Variants in ATXN7L1 observed in about 807,000 individuals in gnomAD.
ATXN7L1 encodes the protein ataxin 7 like 1, also known as ataxin-7-like protein 1.
ATXN7L1 carries 15 observed loss-of-function variants against 70.8 expected under a neutral mutation model. The observed-to-expected ratio is 0.21, with a 90% CI of 0.14 to 0.33. The LOEUF is 0.33. ATXN7L1 is among the 10% of genes least tolerant of loss of function. ATXN7L1 has a pLI of 1.00. For synonymous variants in ATXN7L1, 440 were observed against 445.1 expected, an observed-to-expected ratio of 0.99 and a Z score of 0.14; for missense variants, 975 against 1,097.1, an observed-to-expected ratio of 0.89 and a Z score of 1.57.
chr7:105,679,940 G>A (rs1381576795), intron 3 of ATXN7L1, among the ~76,000 whole-genome samples: 2 of 151,734 alleles, frequency 1.3e-5, no homozygotes, highest in African/African-American at 2.4e-5. Context: ...AAAAAACAGT[G>A]GCAAAGTACG....
At chr7:105,786,616 G>A (rs1804342852) in intron 3 of ATXN7L1, among the ~76,000 whole-genome samples, 1 of 152,080 alleles carries the variant, frequency 6.6e-6, no homozygotes, top group Non-Finnish European at 1.5e-5. Flanking sequence ...GAACTGCTGG[G>A]CTCAAGCAGT....
intron 9 of ATXN7L1, among the ~76,000 whole-genome samples, chr7:105,619,415 C>T (rs1794474079): frequency 7.3e-6 from 1 of 137,558 alleles, no homozygotes; most frequent in African/African-American, 2.7e-5. Flanking sequence ...TCACAAAGTG[C>T]CAGGATTATA....
intron 7 of ATXN7L1, among the ~76,000 whole-genome samples, chr7:105,628,392 G>C (rs1351435141): frequency 6.6e-6 from 1 of 152,106 alleles, no homozygotes; most frequent in Non-Finnish European, 1.5e-5. Flanking sequence ...AGAGTTAGTA[G>C]TACAGGTATA....
intron 2 of ATXN7L1, among the ~76,000 whole-genome samples, chr7:105,789,098 G>A (rs569698798): frequency 2.6e-4 from 39 of 152,242 alleles, no homozygotes; most frequent in Admixed American, 3.9e-4. Context: ...TCCTGCATAA[G>A]CAGCGGTCCC....
intron 2 of ATXN7L1, among the ~76,000 whole-genome samples, chr7:105,864,853 T>C (rs1169031604): frequency 6.6e-6 from 1 of 152,088 alleles, no homozygotes; most frequent in Non-Finnish European, 1.5e-5. Context: ...GCCAGGCTGG[T>C]CTCGAACTCC....
At chr7:105,641,214 CTTTTTTT>C (rs561100060) in intron 5 of ATXN7L1, among the ~76,000 whole-genome samples, 5 of 21,786 alleles carry the variant, frequency 2.3e-4, no homozygotes, top group African/African-American at 6.6e-4. Flanking sequence ...CTCTCTCTCT[CTTTTTTT>C]TTTTTTTTTT....
chr7:105,666,920 C>T (rs539651419), intron 3 of ATXN7L1, among the ~76,000 whole-genome samples: 11 of 152,296 alleles, frequency 7.2e-5, no homozygotes, highest in African/African-American at 2.6e-4. Flanking sequence ...ACCACTTAAA[C>T]TTCCTTGGTT....
chr7:105,821,094 C>A (rs757286682), intron 2 of ATXN7L1, among the ~76,000 whole-genome samples: 1 of 152,168 alleles, frequency 6.6e-6, no homozygotes, highest in African/African-American at 2.4e-5. Flanking sequence ...GGCTGGAGTG[C>A]GATGGCGTGA....
At chr7:105,717,110 A>C (rs1794657401) in intron 3 of ATXN7L1, among the ~76,000 whole-genome samples, 2 of 152,070 alleles carry the variant, frequency 1.3e-5, no homozygotes, top group Admixed American at 1.3e-4. Flanking sequence ...TCACATTATA[A>C]ACATTTTTTC....
chr7:105,802,757 C>A (rs1807012607), intron 2 of ATXN7L1, among the ~76,000 whole-genome samples: 1 of 152,198 alleles, frequency 6.6e-6, no homozygotes, highest in Non-Finnish European at 1.5e-5. Context: ...TGATTCCCAG[C>A]AGCAGAAGGC....
chr7:105,761,430 A>G, intron 3 of ATXN7L1: 2 of 1,614,096 alleles, frequency 1.2e-6, no homozygotes, highest in Non-Finnish European at 1.7e-6. Context: ...ACTCCTGGAG[A>G]TGCCTTCATT....
At chr7:105,828,803 G>A (rs919524602) in intron 2 of ATXN7L1, among the ~76,000 whole-genome samples, 1 of 152,274 alleles carries the variant, frequency 6.6e-6, no homozygotes, top group Admixed American at 6.5e-5. Context: ...GGGTTTGGAA[G>A]CTAGAAAATT....
chr7:105,788,548 G>T (rs752229350), intron 3 of ATXN7L1, 56 bp downstream of exon 3: 3 of 1,401,880 alleles, frequency 2.1e-6, no homozygotes, highest in South Asian at 2.3e-5. Context: ...AGGGGAAGGC[G>T]ACTGTCCCCA....
In ATXN7L1 at chr7:105,624,176, G is replaced by A; in HGVS notation, c.1294C>T (p.Leu432Phe). Residue 432 changes from leucine to phenylalanine, a missense_variant, in exon 8 of 12, where the codon CTC becomes TTC. By Grantham distance (22) the Leu-to-Phe change is conservative (BLOSUM62 0). Around this residue, in one of 5 missense-constraint regions of ATXN7L1, gnomAD observed 635 missense variants for 699.4 expected, o/e 0.91. Coordinates refer to ENST00000419735, the MANE Select transcript of ATXN7L1 (RefSeq NM_020725.2). Reference protein sequence around the residue: ...EPPLPPVGGDLASRLSSDEGE... With the variant: ...EPPLPPVGGDFASRLSSDEGE... ...TCATCACTGGACAGTCGGCTGGCGA[G>A]GTCACCTCCAACCGGTGGGAGTGGG... 3 of 1,532,734 alleles carry A rather than the reference G, an allele frequency of 2.0e-6. No homozygotes were observed. Among genetic ancestry groups the A allele is most frequent in the Non-Finnish European group, 2.6e-6 (3 of 1,136,496 alleles). The allele number at this position is 1,532,734 out of a possible 1,614,324, so 94.9% of individuals were successfully genotyped here. A position where few individuals can be genotyped will look rare whatever the true frequency, so the allele number is the denominator to read the frequency against.
At chr7:105,646,278 G>GAGC (rs1799008201) in intron 4 of ATXN7L1, among the ~76,000 whole-genome samples, 1 of 152,030 alleles carries the variant, frequency 6.6e-6, no homozygotes. Context: ...CTATTGCACA[G>GAGC]AGCAAGACCC....
chr7:105,610,369 G>A (rs1030370992), intron 11 of ATXN7L1, among the ~76,000 whole-genome samples, 160 bp downstream of exon 11: 5 of 152,194 alleles, frequency 3.3e-5, no homozygotes, highest in African/African-American at 1.2e-4. Flanking sequence ...CTTGCCCAAG[G>A]GCACACAGCT....
intron 2 of ATXN7L1, among the ~76,000 whole-genome samples, chr7:105,817,768 A>C (rs1251205373): frequency 6.6e-6 from 1 of 152,136 alleles, no homozygotes; most frequent in Non-Finnish European, 1.5e-5. Flanking sequence ...ATAAGAAATA[A>C]AATAAAAAAT....
chr7:105,786,130 C>A (rs1192294961), intron 3 of ATXN7L1, among the ~76,000 whole-genome samples: 1 of 152,172 alleles, frequency 6.6e-6, no homozygotes, highest in Admixed American at 6.5e-5. Flanking sequence ...GGCCTTGGTG[C>A]CTCAATTTGC....
At chr7:105,737,289 T>G (rs1797489710) in intron 3 of ATXN7L1, among the ~76,000 whole-genome samples, 1 of 152,266 alleles carries the variant, frequency 6.6e-6, no homozygotes, top group Non-Finnish European at 1.5e-5. Context: ...TCTAATAAAC[T>G]TTTCAAACTT....
Sources: allele counts gnomAD v4.1 joint callset (sites outside exome capture counted in the v4.1 genomes callset), GRCh38; gene constraint gnomAD v4.1.1; regional missense constraint gnomAD v4.1.1; transcripts MANE v1.5; gene names NCBI Gene and HGNC (gene_info 2026-07-23, HGNC 2026-07-21).